The following ORC5 variants were observed in gnomAD, a reference collection of about 807,000 sequenced individuals.
ORC5 encodes origin recognition complex subunit 5, also known as protein phosphatase 1, regulatory subunit 117.
A neutral mutation model predicts 58.8 loss-of-function variants in ORC5; 39 were observed. That is an observed-to-expected ratio of 0.66 (90% confidence interval 0.51 to 0.87). The LOEUF (loss-of-function observed/expected upper bound fraction) is 0.87, where lower values mean the gene tolerates loss of function less well. Ranked by LOEUF, ORC5 falls within the 40% of genes least tolerant of loss-of-function variation. The pLI is 0.00. For synonymous variants in ORC5, 218 were observed against 177.6 expected (o/e 1.23, Z -1.81); for missense variants, 493 against 506.3 (o/e 0.97, Z 0.25).
intron 12 of ORC5, among the ~76,000 whole-genome samples, chr7:104,158,273 A>G (rs954008222): frequency 6.6e-6 from 1 of 152,168 alleles, no homozygotes; most frequent in East Asian, 1.9e-4. Flanking sequence ...GGCTAGCCAT[A>G]TGTAGAAAGC....
chr7:104,153,926 A>G (rs1252518991), intron 12 of ORC5, among the ~76,000 whole-genome samples: 3 of 152,176 alleles, frequency 2.0e-5, no homozygotes, highest in African/African-American at 4.8e-5. Flanking sequence ...TACTTTTTGT[A>G]GAAATATAAA....
intron 12 of ORC5, among the ~76,000 whole-genome samples, chr7:104,145,759 C>A (rs1272417822): frequency 6.6e-6 from 1 of 152,040 alleles, no homozygotes; most frequent in Non-Finnish European, 1.5e-5. Context: ...CCTAGGGCTA[C>A]AGAAACAATA....
chr7:104,128,430 G>A (rs1798463061), intron 13 of ORC5, among the ~76,000 whole-genome samples: 1 of 151,966 alleles, frequency 6.6e-6, no homozygotes, highest in South Asian at 2.1e-4. Flanking sequence ...GCCAACACAT[G>A]GTTTTTAAAA....
intron 3 of ORC5, among the ~76,000 whole-genome samples, chr7:104,199,905 C>A (rs139440169): frequency 4.6e-5 from 7 of 152,148 alleles, no homozygotes; most frequent in African/African-American, 1.4e-4. Context: ...AAGGGAGAGA[C>A]CAGGTGGAGG....
At chr7:104,202,513 A>G in intron 2 of ORC5, 1 of 456,576 alleles carries the variant, frequency 2.2e-6, no homozygotes, top group Non-Finnish European at 4.4e-6. Context: ...TGACTTTTAA[A>G]GGCAGCATAT....
At chr7:104,159,344 G>C (rs1236718441) in intron 12 of ORC5, among the ~76,000 whole-genome samples, 1 of 92,616 alleles carries the variant, frequency 1.1e-5, no homozygotes, top group East Asian at 3.9e-4. Context: ...GGGGGAGGGG[G>C]GAGGGATAGC....
At chr7:104,189,357 G>C (rs561676549) in intron 5 of ORC5, among the ~76,000 whole-genome samples, 4 of 152,028 alleles carry the variant, frequency 2.6e-5, no homozygotes, top group African/African-American at 9.7e-5. Flanking sequence ...AACAGCTTTC[G>C]TGAGAACTCA....
intron 13 of ORC5, among the ~76,000 whole-genome samples, chr7:104,134,190 T>C (rs368649322): frequency 2.6e-5 from 4 of 151,884 alleles, no homozygotes; most frequent in Admixed American, 2.0e-4. Context: ...GGGAGGCCGA[T>C]GCAGGCAGAT....
chr7:104,187,964 T>C (rs1263843989), intron 6 of ORC5: 1 of 1,029,832 alleles, frequency 9.7e-7, no homozygotes, highest in Non-Finnish European at 1.2e-6. Context: ...GAGTTCTGCA[T>C]TTTCTGCAAT....
intron 13 of ORC5, among the ~76,000 whole-genome samples, chr7:104,127,469 C>G (rs910274022): frequency 2.0e-5 from 3 of 152,032 alleles, no homozygotes; most frequent in African/African-American, 4.8e-5. Flanking sequence ...TGATGGCAGG[C>G]AGAATAAAAT....
rs532887924 is a variant in ORC5, at chr7:104,140,199, A to AT, written c.1150-3307dup. Among the ~76,000 whole-genome samples the AT allele has an allele frequency of 6.6e-5, 10 of 151,932 alleles. No homozygotes were observed. The South Asian group carries it at 2.1e-3, about 32-fold the overall frequency. ...TCTCATGTAAATAACATATAGTGGG[A>AT]TTTTGTTTTTATAATCAGTCTGACA... On this transcript the variant is annotated intron_variant, in intron 12 of 13. Transcript: ENST00000297431.
intron 6 of ORC5, 30 bp downstream of exon 6, chr7:104,188,221 T>G: frequency 1.3e-6 from 2 of 1,483,448 alleles, no homozygotes; most frequent in Admixed American, 1.7e-5. Context: ...CACACACATA[T>G]ATATATATTC....
chr7:104,180,914 C>T (rs1288608716), intron 8 of ORC5, among the ~76,000 whole-genome samples: 2 of 152,100 alleles, frequency 1.3e-5, no homozygotes, highest in Non-Finnish European at 2.9e-5. Context: ...CATGGCTATT[C>T]TAAGTCTCTG....
chr7:104,188,481 A>T (rs1240824007), intron 5 of ORC5, 100 bp from the exon 6 acceptor site: 7 of 758,728 alleles, frequency 9.2e-6, no homozygotes, highest in Non-Finnish European at 1.4e-5. Context: ...AAACACCCAG[A>T]CCCAGCAACA....
intron 2 of ORC5, among the ~76,000 whole-genome samples, chr7:104,202,148 CAT>C (rs1383440196): frequency 6.6e-6 from 1 of 152,116 alleles, no homozygotes; most frequent in Non-Finnish European, 1.5e-5. Flanking sequence ...AAAATATCAA[CAT>C]GAGTTAACTC....
rs892795124 is a variant in ORC5, at chr7:104,173,428, T to A, written c.825-4903A>T. Among the ~76,000 whole-genome samples, 11 of 152,322 alleles carry A rather than the reference T, an allele frequency of 7.2e-5. 1 individual carries two copies. In the East Asian group the frequency reaches 2.1e-3, roughly 29 times the overall value. ...TTAGAGTCCCTCTCTGTTGTTTAGGTTGACATATCTGGAGTCAGAAGTGGG... is the reference window on the plus strand; with the variant it reads ...TTAGAGTCCCTCTCTGTTGTTTAGGATGACATATCTGGAGTCAGAAGTGGG... On this transcript the variant is annotated intron_variant, in intron 8 of 13. Coordinates refer to ENST00000297431, the MANE Select transcript of ORC5 (RefSeq NM_002553.4).
intron 8 of ORC5, among the ~76,000 whole-genome samples, chr7:104,181,678 G>C (rs1228412500): frequency 1.3e-5 from 2 of 151,814 alleles, no homozygotes; most frequent in Non-Finnish European, 2.9e-5. Context: ...TGTAGTCCTA[G>C]CTACTCGGGA....
chr7:104,183,617 CA>C (rs975486103), intron 8 of ORC5, among the ~76,000 whole-genome samples: 1 of 152,156 alleles, frequency 6.6e-6, no homozygotes, highest in Non-Finnish European at 1.5e-5. Flanking sequence ...CAATCTTCCA[CA>C]AAAAATACCT....
intron 8 of ORC5, among the ~76,000 whole-genome samples, chr7:104,178,025 A>G (rs952505447): frequency 6.6e-6 from 1 of 152,200 alleles, no homozygotes; most frequent in African/African-American, 2.4e-5. Context: ...GTGCTGCAAT[A>G]AACATAGGTG....
Sources: allele counts gnomAD v4.1 joint callset (sites outside exome capture counted in the v4.1 genomes callset), GRCh38; gene constraint gnomAD v4.1.1; transcripts MANE v1.5; gene names NCBI Gene and HGNC (gene_info 2026-07-23, HGNC 2026-07-21).